Variants in RABL3 observed in about 807,000 individuals in gnomAD.
RABL3 encodes the protein RAB, member of RAS oncogene family like 3, also known as rab-like protein 3.
A neutral mutation model predicts 31.8 loss-of-function variants in RABL3; 31 were observed. That is an observed-to-expected ratio of 0.97 (90% CI 0.73 to 1.31). The LOEUF (loss-of-function observed/expected upper bound fraction) is 1.31, where lower values mean the gene tolerates loss of function less well. RABL3 is among the 40% of genes most tolerant of loss of function. RABL3 has a pLI of 0.00. For missense variants in RABL3, 263 were observed against 279.6 expected (o/e 0.94, Z 0.42); for synonymous variants, 97 against 99.9 (o/e 0.97, Z 0.18).
At chr3:120,710,108 C>G (rs1559815947) in intron 2 of RABL3, among the ~76,000 whole-genome samples, 199 bp from the exon 3 acceptor site, 1 of 152,056 alleles carries the variant, frequency 6.6e-6, no homozygotes, top group Admixed American at 6.6e-5. Flanking sequence ...ACATCTTTCA[C>G]AGCTCTCTGT....
chr3:120,689,723 T>A lies in RABL3; in HGVS notation c.*100A>T, dbSNP rs1028579198. 3 of 830,286 alleles carry A rather than the reference T, an allele frequency of 3.6e-6. No individual in the cohort carries two copies. The highest frequency in any genetic ancestry group is 3.4e-5 in the African/African-American group (2 of 59,028). 51.4% of individuals were successfully genotyped at this position (830,286 alleles called of 1,614,324 possible). A position where few individuals can be genotyped will look rare whatever the true frequency, so the allele number is the denominator to read the frequency against. On this transcript the variant is annotated 3_prime_UTR_variant, in exon 8 of 8. Transcript: ENST00000273375. ...AAGGCTGAAGGGTAGCATTTTAAGATGATTTTGTTAAAAGGCTGTGATGGT... is the reference window on the plus strand; with the variant it reads ...AAGGCTGAAGGGTAGCATTTTAAGAAGATTTTGTTAAAAGGCTGTGATGGT...
chr3:120,738,337 T>C (rs886471846), intron 1 of RABL3, among the ~76,000 whole-genome samples: 4 of 152,238 alleles, frequency 2.6e-5, no homozygotes, highest in Middle Eastern at 3.2e-3. Flanking sequence ...TGCTGTTTGC[T>C]AAGACCATTG....
rs548812556 is a variant in RABL3, at chr3:120,707,820, C to A, written c.269-1706G>T. Among the ~76,000 whole-genome samples, 29 of 152,110 alleles carry A rather than the reference C, an allele frequency of 1.9e-4. No individual in the cohort carries two copies. In the South Asian group the frequency reaches 5.6e-3, roughly 29 times the overall value. ...TTGAGCTTTTAAGGGCATTTGAGTA[C>A]CCTTTTCCCCTATTCTTTCTCTTTC... On this transcript the variant is annotated intron_variant, in intron 3 of 7. Transcript: ENST00000273375.
At chr3:120,723,479 G>A (rs527894925) in intron 2 of RABL3, among the ~76,000 whole-genome samples, 1 of 152,234 alleles carries the variant, frequency 6.6e-6, no homozygotes, top group East Asian at 1.9e-4. Flanking sequence ...ACCAAAGCCT[G>A]GCAGAGACAC....
rs1343823497 is a variant in RABL3 at position 120,686,521 on chromosome 3, T to C, written c.*3302A>G. Among the ~76,000 whole-genome samples, 2 of 152,210 alleles carry C rather than the reference T, an allele frequency of 1.3e-5. No homozygotes were observed. The highest frequency in any genetic ancestry group is 2.4e-5 in the African/African-American group (1 of 41,458). On this transcript the variant is annotated 3_prime_UTR_variant, in exon 8 of 8. Coordinates refer to ENST00000273375, the MANE Select transcript of RABL3 (RefSeq NM_173825.5). ...GTGTCAGGGCACCTGGATTATATCATGAATGCCTCAAGTTTGAGGAATTCT... is the reference window on the plus strand; with the variant it reads ...GTGTCAGGGCACCTGGATTATATCACGAATGCCTCAAGTTTGAGGAATTCT...
chr3:120,701,305 C>T (rs1045251922), intron 4 of RABL3, among the ~76,000 whole-genome samples: 8 of 152,056 alleles, frequency 5.3e-5, no homozygotes, highest in Non-Finnish European at 1.2e-4. Flanking sequence ...TTTCGTTGCT[C>T]GGACACTAGG....
At chr3:120,723,717 A>G (rs958404432) in intron 2 of RABL3, among the ~76,000 whole-genome samples, 1 of 152,248 alleles carries the variant, frequency 6.6e-6, no homozygotes, top group African/African-American at 2.4e-5. Context: ...ATGTCAATAG[A>G]TGCAGAAAAA....
At chr3:120,724,612 A>G (rs1353631624) in intron 2 of RABL3, among the ~76,000 whole-genome samples, 1 of 152,244 alleles carries the variant, frequency 6.6e-6, no homozygotes, top group African/African-American at 2.4e-5. Context: ...CATATAGGCC[A>G]ATGGAACAGA....
At chr3:120,716,169 A>C (rs868853584) in intron 2 of RABL3, among the ~76,000 whole-genome samples, 9 of 152,226 alleles carry the variant, frequency 5.9e-5, no homozygotes, top group Non-Finnish European at 1.0e-4. Flanking sequence ...TAGAAATGAC[A>C]AATCAATTTC....
intron 5 of RABL3, among the ~76,000 whole-genome samples, chr3:120,697,739 T>C (rs112122509): frequency 0.018 from 2,680 of 152,334 alleles, 80 homozygotes; most frequent in African/African-American, 0.061. Context: ...ATGTATTTGT[T>C]ACGTTGCCCT....
chr3:120,695,183 C>T (rs577365188), intron 5 of RABL3, among the ~76,000 whole-genome samples: 2 of 152,218 alleles, frequency 1.3e-5, no homozygotes, highest in Admixed American at 1.3e-4. Context: ...TCCAGGCCCA[C>T]ATGATTCCTT....
chr3:120,707,665 T>C (rs1043298194), intron 3 of RABL3, among the ~76,000 whole-genome samples: 2 of 152,082 alleles, frequency 1.3e-5, no homozygotes, highest in African/African-American at 4.8e-5. Context: ...CCCTTTCCTT[T>C]TCCCCAGGCT....
intron 4 of RABL3, among the ~76,000 whole-genome samples, chr3:120,699,330 G>C (rs1025544036): frequency 1.3e-5 from 2 of 152,184 alleles, no homozygotes; most frequent in African/African-American, 2.4e-5. Flanking sequence ...CTTAGGGTTA[G>C]TGGCCTTGGA....
chr3:120,698,464 C>T lies in RABL3; in HGVS notation c.493G>A (p.Ala165Thr), dbSNP rs1268491160. 2 of 1,613,790 alleles carry T rather than the reference C, an allele frequency of 1.2e-6. No individual in the cohort carries two copies. Among genetic ancestry groups the T allele is most frequent in the African/African-American group, 2.7e-5 (2 of 74,912 alleles). Residue 165 changes from alanine (A) to threonine (T), a missense_variant, in exon 5 of 8, where the codon GCT becomes ACT. Transcript: ENST00000273375. ...GGATTGAAATCCTCAGCCAGGAAAG[C>T]AGTCCTAGTTAAAACTTCATGGCGC... is the stretch of plus-strand genomic sequence containing the variant. ...TKRHEVLTRT[A>T]FLAEDFNPEE...
intron 2 of RABL3, chr3:120,722,578 G>T (rs574366021): frequency 1.3e-5 from 2 of 152,102 alleles, no homozygotes; most frequent in East Asian, 1.9e-4. Flanking sequence ...AGTTCTATGT[G>T]TCCTCTTTCT....
chr3:120,728,697 T>C (rs960936241), intron 2 of RABL3, among the ~76,000 whole-genome samples: 3 of 151,586 alleles, frequency 2.0e-5, no homozygotes, highest in South Asian at 4.2e-4. Flanking sequence ...AAACTTAAAG[T>C]ATAATAATAA....
chr3:120,704,451 A>C (rs576499865), intron 4 of RABL3, among the ~76,000 whole-genome samples: 1 of 152,318 alleles, frequency 6.6e-6, no homozygotes, highest in East Asian at 1.9e-4. Context: ...AACAAAAAAA[A>C]CCTAAAGCTG....
chr3:120,714,527 C>G (rs1488293404), intron 2 of RABL3, among the ~76,000 whole-genome samples: 1 of 152,042 alleles, frequency 6.6e-6, no homozygotes, highest in East Asian at 1.9e-4. Context: ...AAAAAAAGCC[C>G]TTCACTTTCC....
At chr3:120,694,662 C>T (rs35490764) in intron 5 of RABL3, among the ~76,000 whole-genome samples, 39,677 of 151,718 alleles carry the variant, frequency 0.26, 6,025 homozygotes, top group South Asian at 0.41. Flanking sequence ...TCATATGAAT[C>T]GGAGAAAGCA....
Sources: allele counts gnomAD v4.1 joint callset (sites outside exome capture counted in the v4.1 genomes callset), GRCh38; gene constraint gnomAD v4.1.1; transcripts MANE v1.5; gene names NCBI Gene and HGNC (gene_info 2026-07-23, HGNC 2026-07-21).